E2F5: variants seen among roughly 807,000 people sequenced by gnomAD.
E2F5 encodes the protein transcription factor E2F5.
In E2F5, 23 loss-of-function variants were observed where a neutral mutation model predicts 39.1. The observed-to-expected ratio is 0.59, with a 90% CI of 0.42 to 0.83. The LOEUF (loss-of-function observed/expected upper bound fraction) is 0.83, where lower values mean the gene tolerates loss of function less well. E2F5 is among the 40% of genes least tolerant of loss of function. The pLI is 0.00. For synonymous variants in E2F5, 145 were observed against 157.8 expected (o/e 0.92, Z 0.61); for missense variants, 365 against 406.7 (o/e 0.90, Z 0.88).
rs1225685811 is a variant in E2F5, at chr8:85,212,125, G to T, written c.884-32G>T. 3 of 1,561,422 alleles carry T rather than the reference G, an allele frequency of 1.9e-6. No individual in the cohort carries two copies. In the African/African-American group the frequency reaches 4.1e-5, roughly 21 times the overall value. ...ATATGAGTATCTTTTACTGTTAACAGAAATATAACAAAACTTTATTACTGT... is the reference window on the plus strand; with the variant it reads ...ATATGAGTATCTTTTACTGTTAACATAAATATAACAAAACTTTATTACTGT... On this transcript the variant is annotated intron_variant, in intron 6 of 7. Coordinates refer to ENST00000416274, the MANE Select transcript of E2F5 (RefSeq NM_001951.4).
At chr8:85,181,103 C>T (rs1812203463) in intron 1 of E2F5, among the ~76,000 whole-genome samples, 1 of 152,040 alleles carries the variant, frequency 6.6e-6, no homozygotes, top group African/African-American at 2.4e-5. Flanking sequence ...GTCTCGAACT[C>T]CTGAGCTCAA....
chr8:85,187,635 T>C (rs1382706209), intron 1 of E2F5: 1 of 152,200 alleles, frequency 6.6e-6, no homozygotes, highest in Non-Finnish European at 1.5e-5. Flanking sequence ...TCTATTTGCA[T>C]GGAGTATCAT....
In E2F5 at chr8:85,213,757, T is replaced by C. The variant is rs761278436; in HGVS notation, c.936T>C (p.Phe312=). Reference sequence around the variant, plus strand: ...AAATTTGTTTTTTGTTCGCAGTGTTTCCTCTCTTAAGGCTTTCTCCTACCC... The same window carrying C: ...AAATTTGTTTTTTGTTCGCAGTGTTCCCTCTCTTAAGGCTTTCTCCTACCC... The part of the protein sequence containing the change: ...IIDELMSSDV[F]PLLRLSPTPA... The change falls in exon 8 of 8, where the codon TTT becomes TTC. Residue 312 remains phenylalanine (F), a synonymous_variant. Transcript: ENST00000416274. 6.2e-7 allele frequency: 1 copy of C among 1,602,070 alleles called. No homozygotes were observed.
intron 1 of E2F5, among the ~76,000 whole-genome samples, chr8:85,190,497 CT>C (rs34804570): frequency 4.3e-4 from 30 of 70,342 alleles, no homozygotes; most frequent in Middle Eastern, 0.016. Context: ...GAGATTTTTC[CT>C]TTTTTTTTTT....
chr8:85,188,218 G>T (rs1210208946), intron 1 of E2F5, among the ~76,000 whole-genome samples: 1 of 151,732 alleles, frequency 6.6e-6, no homozygotes, highest in Non-Finnish European at 1.5e-5. Context: ...CTTTAATTCT[G>T]TGATGATGCT....
Position 85,214,174 on chromosome 8 carries a change from G to A in E2F5, c.*312G>A, listed in dbSNP as rs1421255239. ...TTCTTCTTAAGGAGGAAAGTTAAAG[G>A]ACACTACAGGTCATCAAAAACAAGT... On this transcript the variant is annotated 3_prime_UTR_variant, in exon 8 of 8. Coordinates refer to ENST00000416274, the MANE Select transcript of E2F5 (RefSeq NM_001951.4). 1.9e-6 allele frequency: 1 copy of A among 535,616 alleles called. No homozygotes were observed. Among genetic ancestry groups the A allele is most frequent in the Non-Finnish European group, 3.6e-6 (1 of 280,220 alleles). The allele number at this position is 535,616 out of a possible 1,614,324, so 33.2% of individuals were successfully genotyped here.
intron 6 of E2F5, among the ~76,000 whole-genome samples, chr8:85,210,254 C>T (rs1301399910): frequency 6.6e-6 from 1 of 152,202 alleles, no homozygotes; most frequent in African/African-American, 2.4e-5. Flanking sequence ...TGGGATTTCA[C>T]AGGTTAAAAG....
At chr8:85,194,724 A>G (rs1205643042) in intron 1 of E2F5, among the ~76,000 whole-genome samples, 1 of 151,084 alleles carries the variant, frequency 6.6e-6, no homozygotes. Context: ...TAGTAGAGAC[A>G]GGGTTTCACC....
At chr8:85,208,540 A>C (rs534303632) in intron 5 of E2F5, among the ~76,000 whole-genome samples, 1 of 152,352 alleles carries the variant, frequency 6.6e-6, no homozygotes, top group East Asian at 1.9e-4. Context: ...ATTTGAAAGC[A>C]ATAACCAAAA....
At chr8:85,187,189 T>C (rs1482711284) in intron 1 of E2F5, among the ~76,000 whole-genome samples, 1 of 152,112 alleles carries the variant, frequency 6.6e-6, no homozygotes, top group Admixed American at 6.5e-5. Context: ...ATTATCTCAG[T>C]CTTCTAGAAT....
At chr8:85,177,845 A>T in intron 1 of E2F5, 191 bp downstream of exon 1, 1 of 1,021,102 alleles carries the variant, frequency 9.8e-7, no homozygotes, top group Non-Finnish European at 1.2e-6. Context: ...ACGAGGGACC[A>T]GGATGGCACC....
chr8:85,182,029 A>G (rs1168906071), intron 1 of E2F5, among the ~76,000 whole-genome samples: 2 of 152,160 alleles, frequency 1.3e-5, no homozygotes, highest in Non-Finnish European at 2.9e-5. Context: ...TAACTTAACA[A>G]TTAGGAAGCA....
At chr8:85,198,560 C>A (rs1812629026) in intron 1 of E2F5, among the ~76,000 whole-genome samples, 1 of 152,178 alleles carries the variant, frequency 6.6e-6, no homozygotes. Context: ...AATCACTGAT[C>A]AGTTCTCACT....
chr8:85,204,549 G>A (rs1398856964), intron 3 of E2F5, among the ~76,000 whole-genome samples: 2 of 121,390 alleles, frequency 1.6e-5, no homozygotes, highest in African/African-American at 3.1e-5. Context: ...TTGTGGGGTG[G>A]GGGGAGGGGG....
At chr8:85,211,022 TG>T (rs1181817105) in intron 6 of E2F5, among the ~76,000 whole-genome samples, 2 of 152,030 alleles carry the variant, frequency 1.3e-5, no homozygotes, top group African/African-American at 4.8e-5. Context: ...CTTTTGGCCC[TG>T]GGAAGCAGAA....
chr8:85,206,260 A>T, intron 4 of E2F5, 40 bp downstream of exon 4: 1 of 1,584,638 alleles, frequency 6.3e-7, no homozygotes, highest in Non-Finnish European at 8.6e-7. Context: ...CTTCCTCTCA[A>T]CCTATTTAGT....
intron 3 of E2F5, among the ~76,000 whole-genome samples, chr8:85,204,336 G>A (rs954962532): frequency 6.6e-6 from 1 of 152,074 alleles, no homozygotes; most frequent in Non-Finnish European, 1.5e-5. Flanking sequence ...AGGAGAGACT[G>A]CCCATCCTGG....
intron 1 of E2F5, among the ~76,000 whole-genome samples, chr8:85,188,406 G>GT (rs1297447094): frequency 7.2e-6 from 1 of 139,842 alleles, no homozygotes; most frequent in Non-Finnish European, 1.5e-5. Flanking sequence ...CTTATCTTCT[G>GT]TTTTTCTGGA....
chr8:85,214,162 G>A lies in E2F5; in HGVS notation c.*300G>A, dbSNP rs1003152432. On this transcript the variant is annotated 3_prime_UTR_variant, in exon 8 of 8. Coordinates refer to ENST00000416274, the MANE Select transcript of E2F5 (RefSeq NM_001951.4). The stretch of plus-strand genomic sequence containing the variant: ...TCCTTCTGTTTTTTCTTCTTAAGGA[G>A]GAAAGTTAAAGGACACTACAGGTCA... 1 of 537,222 alleles carries A rather than the reference G, an allele frequency of 1.9e-6. No individual in the cohort carries two copies. The highest frequency in any genetic ancestry group is 1.9e-5 in the African/African-American group (1 of 53,378). The allele number at this position is 537,222 out of a possible 1,614,324, so 33.3% of individuals were successfully genotyped here.
Sources: gnomAD v4.1 joint callset for allele counts (sites outside exome capture counted in the v4.1 genomes callset) on GRCh38, gnomAD v4.1.1 for gene constraint, MANE v1.5 for transcripts, NCBI Gene and HGNC (gene_info 2026-07-23, HGNC 2026-07-21) for gene names.